Variants in SGK1 observed in about 807,000 individuals in gnomAD.
The protein encoded by SGK1 is serine/threonine-protein kinase Sgk1.
Under a neutral mutation model 64.2 loss-of-function variants are expected in SGK1, and 26 were observed. The observed-to-expected ratio is 0.40, with a 90% CI of 0.30 to 0.56. The LOEUF (loss-of-function observed/expected upper bound fraction) is 0.56, where lower values mean the gene tolerates loss of function less well. Ranked by LOEUF, SGK1 falls within the 20% of genes least tolerant of loss-of-function variation. The pLI is 0.38. For missense variants in SGK1, 519 were observed against 645.6 expected, an observed-to-expected ratio of 0.80 and a Z score of 2.12; for synonymous variants, 265 against 239.7, an observed-to-expected ratio of 1.11 and a Z score of -0.98.
In SGK1 at chr6:134,173,524, G is replaced by C. The variant is rs747000339; in HGVS notation, c.556C>G (p.Pro186Ala). Residue 186 changes from proline (P) to alanine (A), a missense_variant, in exon 6 of 14, where the codon CCT becomes GCT. Coordinates refer to ENST00000367858, the MANE Select transcript of SGK1 (RefSeq NM_001143676.3). ...QQINLGPSSN[P>A]HAKPSDFHFL... ...TGAAAGTCAGATGGTTTAGCATGAG[G>C]ATTGGACGACGGGCCAAGGTTGATT... The C allele has an allele frequency of 6.2e-7, 1 of 1,612,680 alleles. No homozygotes were observed. The highest frequency in any genetic ancestry group is 2.2e-5 in the East Asian group (1 of 44,864).
chr6:134,219,927 C>T (rs1471226860), intron 2 of SGK1, among the ~76,000 whole-genome samples: 8 of 144,456 alleles, frequency 5.5e-5, no homozygotes, highest in Admixed American at 2.8e-4. Flanking sequence ...GGCGTAGGGG[C>T]GGGCGCCTGT....
chr6:134,176,946 T>C (rs1412892634), intron 3 of SGK1, among the ~76,000 whole-genome samples: 1 of 152,220 alleles, frequency 6.6e-6, no homozygotes, highest in African/African-American at 2.4e-5. Flanking sequence ...CCGGGCGCAG[T>C]GGCTCACGCC....
chr6:134,192,938 G>A (rs1775538432), intron 3 of SGK1, among the ~76,000 whole-genome samples: 2 of 152,034 alleles, frequency 1.3e-5, no homozygotes, highest in Admixed American at 1.3e-4. Context: ...GGAATAGCCT[G>A]TTTTCATTAT....
chr6:134,183,785 C>T (rs1775372991), intron 3 of SGK1, among the ~76,000 whole-genome samples: 1 of 152,086 alleles, frequency 6.6e-6, no homozygotes, highest in Admixed American at 6.5e-5. Context: ...GAACTACTCT[C>T]CTGGCATGGT....
chr6:134,299,040 C>A (rs1188870848), intron 1 of SGK1, among the ~76,000 whole-genome samples: 1 of 151,944 alleles, frequency 6.6e-6, no homozygotes, highest in Non-Finnish European at 1.5e-5. Flanking sequence ...ACCTCGTGAT[C>A]CACCTGCCTC....
At chr6:134,274,138 G>C (rs1211116872) in intron 1 of SGK1, among the ~76,000 whole-genome samples, 1 of 151,944 alleles carries the variant, frequency 6.6e-6, no homozygotes. Context: ...CAAGTAGCTG[G>C]GATTACAGGT....
At chr6:134,299,557 T>C (rs1777414662) in intron 1 of SGK1, among the ~76,000 whole-genome samples, 1 of 152,056 alleles carries the variant, frequency 6.6e-6, no homozygotes, top group Non-Finnish European at 1.5e-5. Context: ...TGAGGTAAGG[T>C]ATGCTGATGT....
intron 2 of SGK1, among the ~76,000 whole-genome samples, chr6:134,239,380 C>T (rs1743939): frequency 0.84 from 127,565 of 152,244 alleles, 54,164 homozygotes; most frequent in East Asian, 1. Flanking sequence ...GCAGATAAGA[C>T]GCAGTCAGAG....
intron 2 of SGK1, among the ~76,000 whole-genome samples, chr6:134,239,402 A>G (rs1776409894): frequency 6.6e-6 from 1 of 152,230 alleles, no homozygotes; most frequent in African/African-American, 2.4e-5. Context: ...TATATTTGTG[A>G]AATAAATCCC....
chr6:134,234,753 G>A (rs9385680), intron 2 of SGK1, among the ~76,000 whole-genome samples: 115,832 of 151,948 alleles, frequency 0.76, 44,620 homozygotes, highest in South Asian at 0.91. Flanking sequence ...ATGCATGCCT[G>A]TAATCCCAGC....
chr6:134,218,425 C>CTTTCTATT (rs1435304730), intron 2 of SGK1, among the ~76,000 whole-genome samples: 32 of 135,366 alleles, frequency 2.4e-4, no homozygotes, highest in Non-Finnish European at 4.1e-4. Flanking sequence ...GTTTTCTTTT[C>CTTTCTATT]TTTCTTTTTT....
At chr6:134,270,210 G>A (rs919650902) in intron 1 of SGK1, among the ~76,000 whole-genome samples, 6 of 148,004 alleles carry the variant, frequency 4.1e-5, no homozygotes, top group Non-Finnish European at 9.0e-5. Flanking sequence ...TTACAGGCGT[G>A]AGCCACCGCA....
At chr6:134,232,038 CAAAA>C (rs60207020) in intron 2 of SGK1, among the ~76,000 whole-genome samples, 1 of 102,478 alleles carries the variant, frequency 9.8e-6, no homozygotes, top group Non-Finnish European at 2.2e-5. Flanking sequence ...GACTTCATCT[CAAAA>C]AAAAAAAAAA....
At chr6:134,228,428 A>C (rs2114710053) in intron 2 of SGK1, among the ~76,000 whole-genome samples, 2 of 152,318 alleles carry the variant, frequency 1.3e-5, no homozygotes, top group South Asian at 4.1e-4. Context: ...CATAACATTG[A>C]AAAAAGGTAA....
chr6:134,248,900 C>T (rs1260802339), intron 2 of SGK1, among the ~76,000 whole-genome samples: 2 of 152,126 alleles, frequency 1.3e-5, no homozygotes, highest in African/African-American at 4.8e-5. Context: ...AACTACTATT[C>T]TCTGAAGCTT....
chr6:134,261,467 A>G (rs1337942937), intron 2 of SGK1: 1 of 254,600 alleles, frequency 3.9e-6, no homozygotes, highest in Admixed American at 4.8e-5. Context: ...TAAAAAGATC[A>G]GTGGTTGCTA....
rs535869576 is a variant in SGK1 at position 134,317,564 on chromosome 6, T to C, written c.-104A>G. 93 of 775,554 alleles carry C rather than the reference T, an allele frequency of 1.2e-4. No homozygotes were observed. In the African/African-American group the frequency reaches 1.4e-3, roughly 12 times the overall value. 48.0% of individuals were successfully genotyped at this position (775,554 alleles called of 1,614,324 possible). ...CCTCCTGCAGACAGTTAATGAAGAC[T>C]GAGCGGGATGGAGAATCTAGCGGGG... On this transcript the variant is annotated 5_prime_UTR_variant, in exon 1 of 14. Transcript: ENST00000367858.
At chr6:134,206,841 TG>T (rs1775794802) in intron 3 of SGK1, among the ~76,000 whole-genome samples, 2 of 140,240 alleles carry the variant, frequency 1.4e-5, no homozygotes, top group Non-Finnish European at 3.0e-5. Context: ...CACTCCAGCC[TG>T]GGCGACAGAG....
At chr6:134,264,623 C>T (rs879357139) in intron 1 of SGK1, among the ~76,000 whole-genome samples, 1 of 151,892 alleles carries the variant, frequency 6.6e-6, no homozygotes, top group Non-Finnish European at 1.5e-5. Context: ...GTTAGTGATG[C>T]TACAATTATT....
Sources: allele counts gnomAD v4.1 joint callset (sites outside exome capture counted in the v4.1 genomes callset), GRCh38; gene constraint gnomAD v4.1.1; transcripts MANE v1.5; gene names NCBI Gene and HGNC (gene_info 2026-07-23, HGNC 2026-07-21).